The following UBR4 variants were observed in gnomAD, a reference collection of about 807,000 sequenced individuals.
The protein encoded by UBR4 is E3 ubiquitin-protein ligase UBR4.
In UBR4, 124 loss-of-function variants were observed where a neutral mutation model predicts 575.6. The observed-to-expected ratio is 0.22, with a 90% CI of 0.19 to 0.25. UBR4 has a LOEUF of 0.25. Ranked by LOEUF, UBR4 falls within the 10% of genes least tolerant of loss-of-function variation. UBR4 has a pLI of 1.00. For missense variants in UBR4, 4,818 were observed against 6,478.8 expected (o/e 0.74, Z 8.80); for synonymous variants, 2,455 against 2,473.7 (o/e 0.99, Z 0.22).
In UBR4 at chr1:19,193,447, T is replaced by C. The variant is rs997084857; in HGVS notation, c.1129A>G (p.Ile377Val). 5.0e-6 allele frequency: 8 copies of C among 1,614,002 alleles called. No individual in the cohort carries two copies. Among genetic ancestry groups the C allele is most frequent in the African/African-American group, 1.3e-5 (1 of 74,930 alleles). The change falls in exon 9 of 106, where the codon ATT (isoleucine) becomes GTT (valine). Residue 377 changes from isoleucine to valine, a missense_variant. Transcript: ENST00000375254. ...CTTTGGCTTACACATTTCTGGACAA[T>C]TGTAGCTGCGTCACTTTCATAGTCA... ...EDDYESDAAT[I>V]VQKCLEIYDM...
intron 3 of UBR4, among the ~76,000 whole-genome samples, 186 bp downstream of exon 3, chr1:19,199,465 T>C (rs1237394031): frequency 1.3e-5 from 2 of 152,242 alleles, no homozygotes; most frequent in South Asian, 2.1e-4. Flanking sequence ...ATCATTTATA[T>C]ATTAATCTAT....
rs79074123 is a variant in UBR4 at position 19,082,908 on chromosome 1, C to T, written c.15009-1335G>A. Among the ~76,000 whole-genome samples, 841 of 152,292 alleles carry T rather than the reference C, an allele frequency of 5.5e-3. 4 individuals are homozygous for T. Among genetic ancestry groups the T allele is most frequent in the Non-Finnish European group, 8.9e-3 (607 of 68,030 alleles). On this transcript the variant is annotated intron_variant, in intron 102 of 105. Coordinates refer to ENST00000375254, the MANE Select transcript of UBR4 (RefSeq NM_020765.3). ...CAAATATTCCACCAAAGGCACTCAG[C>T]CCCACTGTGACCAAGCTCCCACCAA...
rs2077272214 is a variant in UBR4, at chr1:19,089,035, C to T, written c.14212-58G>A. 2.6e-6 allele frequency: 4 copies of T among 1,564,244 alleles called. No individual in the cohort carries two copies. The highest frequency in any genetic ancestry group is 1.7e-6 in the Non-Finnish European group (2 of 1,146,240). ...CCAATTATGTAGACAAACCTTCTTCCCGGGAGCTTAAAGGTTTAGAAACTC... is the reference window on the plus strand; with the variant it reads ...CCAATTATGTAGACAAACCTTCTTCTCGGGAGCTTAAAGGTTTAGAAACTC... On this transcript the variant is annotated intron_variant, in intron 97 of 105. Coordinates refer to ENST00000375254, the MANE Select transcript of UBR4 (RefSeq NM_020765.3). The surrounding 1 kb of genome is among the most constrained non-coding windows in gnomAD (Gnocchi z 4.3).
rs1168910290 is a variant in UBR4 at position 19,120,358 on chromosome 1, T to G, written c.10142-10A>C. On this transcript the variant is annotated splice_polypyrimidine_tract_variant and intron_variant, in intron 68 of 105. Transcript: ENST00000375254. ...CTGCCAGAGGTCTCACCTGCAAGAT[T>G]AGGACAGGACTAAGGGCTGAAGAGT... 1.9e-6 allele frequency: 3 copies of G among 1,613,940 alleles called. No homozygotes were observed. Among genetic ancestry groups the G allele is most frequent in the Admixed American group, 1.7e-5 (1 of 60,004 alleles).
rs1570589449 is a variant in UBR4, at chr1:19,109,967, C to T, written c.12105+129G>A. 2.2e-6 allele frequency: 3 copies of T among 1,374,494 alleles called. No homozygotes were observed. The East Asian group carries it at 6.9e-5, about 32-fold the overall frequency. 85.1% of individuals were successfully genotyped at this position (1,374,494 alleles called of 1,614,324 possible). ...ATCTGCTGAACTAAGGCAAAGGCTG[C>T]ACTGGAGCCTCTCAGGGGAGGTGGG... On this transcript the variant is annotated intron_variant, in intron 81 of 105. Coordinates refer to ENST00000375254, the MANE Select transcript of UBR4 (RefSeq NM_020765.3).
At chr1:19,182,729 C>A (rs969127584) in intron 17 of UBR4, among the ~76,000 whole-genome samples, 5 of 151,968 alleles carry the variant, frequency 3.3e-5, no homozygotes, top group East Asian at 1.9e-4. Flanking sequence ...ATACAGTAGT[C>A]CAAACAAGAA....
At chr1:19,162,656 T>C (rs757319624) in intron 34 of UBR4, 45 bp from the exon 35 acceptor site, 7 of 1,564,662 alleles carry the variant, frequency 4.5e-6, no homozygotes, top group Non-Finnish European at 6.1e-6. Flanking sequence ...CCATGTTTCA[T>C]TATGTAAACC....
At chr1:19,138,327 A>G in intron 59 of UBR4, 146 bp from the exon 60 acceptor site, 1 of 837,244 alleles carries the variant, frequency 1.2e-6, no homozygotes, top group South Asian at 3.1e-5. Context: ...TGTAAAGCTA[A>G]GTAAGACCCC....
intron 17 of UBR4, among the ~76,000 whole-genome samples, chr1:19,181,746 T>C (rs990487007): frequency 1.3e-5 from 2 of 152,238 alleles, no homozygotes; most frequent in African/African-American, 4.8e-5. Flanking sequence ...ATTTAGAAGG[T>C]ACTAGTACTA....
rs774084223 is a variant in UBR4, at chr1:19,086,702, G to A, written c.14664C>T (p.Tyr4888=). 130 of 1,614,056 alleles carry A rather than the reference G, an allele frequency of 8.1e-5. No homozygotes were observed. Among genetic ancestry groups the A allele is most frequent in the Non-Finnish European group, 9.9e-5 (117 of 1,180,026 alleles). The change falls in exon 100 of 106, where the codon TAC becomes TAT. Residue 4888 remains tyrosine (Y), a synonymous_variant. Transcript: ENST00000375254. The part of the protein sequence containing the change: ...STVSHFNIVH[Y]DCHLAAVRLA... Reference sequence around the variant, plus strand: ...ACCTGACGGCAGCCAGATGGCAGTCGTAGTGCACAATGTTGAAGTGGGACA... The same window carrying A: ...ACCTGACGGCAGCCAGATGGCAGTCATAGTGCACAATGTTGAAGTGGGACA...
At chr1:19,136,774 G>A (rs1023040496) in intron 60 of UBR4, among the ~76,000 whole-genome samples, 3 of 152,018 alleles carry the variant, frequency 2.0e-5, no homozygotes, top group Non-Finnish European at 2.9e-5. Flanking sequence ...GAACATAAGG[G>A]AATTAACCTA....
rs747886056 is a variant in UBR4 at position 19,088,730 on chromosome 1, A to T, written c.14430+29T>A. On this transcript the variant is annotated intron_variant, in intron 98 of 105. Coordinates refer to ENST00000375254, the MANE Select transcript of UBR4 (RefSeq NM_020765.3). The surrounding 1 kb of genome is among the most constrained non-coding windows in gnomAD (Gnocchi z 4.0). ...CCTCCTCATCAACAGTGTGGGCAGA[A>T]ATATGGGGACTCTAGGTGGTAGCTT... The T allele has an allele frequency of 6.2e-7, 1 of 1,610,318 alleles. No homozygotes were observed. The highest frequency in any genetic ancestry group is 1.7e-5 in the Admixed American group (1 of 59,962).
At chr1:19,194,227 A>G (rs953814856) in intron 8 of UBR4, among the ~76,000 whole-genome samples, 1 of 152,256 alleles carries the variant, frequency 6.6e-6, no homozygotes, top group African/African-American at 2.4e-5. Flanking sequence ...TGGTTCATCA[A>G]TAATAAATCC....
chr1:19,156,558 T>C lies in UBR4; in HGVS notation c.5920-135A>G, dbSNP rs531018229. The C allele has an allele frequency of 3.9e-6, 5 of 1,284,348 alleles. No individual in the cohort carries two copies. In the East Asian group the frequency reaches 1.0e-4, roughly 26 times the overall value. 79.6% of individuals were successfully genotyped at this position (1,284,348 alleles called of 1,614,324 possible). A position where few individuals can be genotyped will look rare whatever the true frequency, so the allele number is the denominator to read the frequency against. On this transcript the variant is annotated intron_variant, in intron 41 of 105. Transcript: ENST00000375254. ...ACAGTATTTAGACTGTCTAGTAACATTCAGGTTTCATGAACACAAAGATTA... is the reference window on the plus strand; with the variant it reads ...ACAGTATTTAGACTGTCTAGTAACACTCAGGTTTCATGAACACAAAGATTA...
intron 64 of UBR4, among the ~76,000 whole-genome samples, 153 bp from the exon 65 acceptor site, chr1:19,124,843 A>G (rs1261625666): frequency 6.6e-6 from 1 of 152,188 alleles, no homozygotes; most frequent in Non-Finnish European, 1.5e-5. Flanking sequence ...AGTTTATTCT[A>G]TAAACCCAGA....
At position 19,113,747 on chromosome 1, in the gene UBR4, A is replaced by G. The variant is rs781605827; in HGVS notation, c.11409T>C (p.Tyr3803=). Residue 3803 remains tyrosine, a synonymous_variant, in exon 77 of 106, where the codon TAT becomes TAC. Coordinates refer to ENST00000375254, the MANE Select transcript of UBR4 (RefSeq NM_020765.3). The part of the protein sequence containing the change: ...NRYILQLAQE[Y]CGDCKNSFDE... ...CAAAAGAGTTCTTGCAGTCTCCACA[A>G]TACTCCTGAGCCAACTGCAGGATGT... The G allele has an allele frequency of 1.2e-6, 2 of 1,614,196 alleles. No individual in the cohort carries two copies. The highest frequency in any genetic ancestry group is 2.2e-5 in the East Asian group (1 of 44,884).
chr1:19,153,284 C>A lies in UBR4; in HGVS notation c.6832+17G>T, dbSNP rs2085991870. ...CCATTCCTACTCCCCCACAAGTCATCTGAGAAGGAGCCTTACTGATTGTAG... is the reference window on the plus strand; with the variant it reads ...CCATTCCTACTCCCCCACAAGTCATATGAGAAGGAGCCTTACTGATTGTAG... On this transcript the variant is annotated intron_variant, in intron 46 of 105. Coordinates refer to ENST00000375254, the MANE Select transcript of UBR4 (RefSeq NM_020765.3). This position sits in a 1 kb window ranked among gnomAD's most constrained non-coding sequence, Gnocchi z 4.1. 1 of 1,613,662 alleles carries A rather than the reference C, an allele frequency of 6.2e-7. No individual in the cohort carries two copies.
chr1:19,087,819 G>A lies in UBR4; in HGVS notation c.14541C>T (p.Phe4847=). 6.2e-7 allele frequency: 1 copy of A among 1,609,026 alleles called. No homozygotes were observed. Among genetic ancestry groups the A allele is most frequent in the Non-Finnish European group, 8.5e-7 (1 of 1,177,376 alleles). Residue 4847 remains phenylalanine, a synonymous_variant, in exon 99 of 106, where the codon TTC becomes TTT. Coordinates refer to ENST00000375254, the MANE Select transcript of UBR4 (RefSeq NM_020765.3). ...ACCGTAGGCCCAGCAGCTGTACCTG[G>A]AACTTGTATCCCTCCCTGCAGATGC... ...TCCICREGYK[F]QPTKVLGIYT...
intron 100 of UBR4, 66 bp from the exon 101 acceptor site, chr1:19,086,336 G>T: frequency 6.2e-6 from 6 of 966,980 alleles, no homozygotes; most frequent in Non-Finnish European, 8.7e-6. Context: ...GCACCTGGGC[G>T]GGGGGGCGGG....
Sources: gnomAD v4.1 joint callset for allele counts (sites outside exome capture counted in the v4.1 genomes callset) on GRCh38, gnomAD v4.1.1 for gene constraint, Gnocchi (gnomAD v3.1) non-coding constraint, MANE v1.5 for transcripts, NCBI Gene and HGNC (gene_info 2026-07-23, HGNC 2026-07-21) for gene names.